ZHX3: variants seen among roughly 807,000 people sequenced by gnomAD.
The protein encoded by ZHX3 is zinc fingers and homeoboxes 3.
Under a neutral mutation model 64.5 loss-of-function variants are expected in ZHX3, and 20 were observed. The observed-to-expected ratio is 0.31, with a 90% CI of 0.22 to 0.45. ZHX3 has a LOEUF of 0.45. Among genes scored for constraint, ZHX3 ranks in the 20% least tolerant of loss-of-function variants. ZHX3 has a pLI of 1.00. For synonymous variants in ZHX3, 423 were observed against 461.6 expected (o/e 0.92, Z 1.07); for missense variants, 1,041 against 1,195.8 (o/e 0.87, Z 1.91).
chr20:41,229,360 G>A (rs2040458064), intron 2 of ZHX3, among the ~76,000 whole-genome samples: 1 of 152,062 alleles, frequency 6.6e-6, no homozygotes, highest in Non-Finnish European at 1.5e-5. Flanking sequence ...ATGTTGCTAT[G>A]AACATGGACA....
rs150368599 is a variant in ZHX3 at position 41,227,579 on chromosome 20, T to C, written c.-150-22513A>G. 7.0e-3 allele frequency among the ~76,000 whole-genome samples: 1,063 copies of C among 152,312 alleles called. 8 individuals are homozygous for C. Among genetic ancestry groups the C allele is most frequent in the Non-Finnish European group, 9.1e-3 (617 of 68,008 alleles). On this transcript the variant is annotated intron_variant, in intron 2 of 3. Coordinates refer to ENST00000683867, the MANE Select transcript of ZHX3 (RefSeq NM_001384317.1). ...CTTCCGCTGCAAGATAGTTAGCATATTTATTTCCTTTCCATGAGACTTCAG... is the reference window on the plus strand; with the variant it reads ...CTTCCGCTGCAAGATAGTTAGCATACTTATTTCCTTTCCATGAGACTTCAG...
At chr20:41,310,751 TCATACATCAATAGAATAATTATAAATCC>T (rs1450443902) in intron 1 of ZHX3, among the ~76,000 whole-genome samples, 1 of 151,196 alleles carries the variant, frequency 6.6e-6, no homozygotes, top group Non-Finnish European at 1.5e-5. Flanking sequence ...ACATACGTTG[TCATACATCAATAGAATAATTATAAATCC>T]CAACCCAGAT....
At chr20:41,215,595 G>C (rs2039462180) in intron 2 of ZHX3, among the ~76,000 whole-genome samples, 1 of 151,976 alleles carries the variant, frequency 6.6e-6, no homozygotes, top group Non-Finnish European at 1.5e-5. Context: ...CGTTATGATA[G>C]TCAGCCTGCA....
At chr20:41,225,995 G>A (rs1159734841) in intron 2 of ZHX3, among the ~76,000 whole-genome samples, 1 of 152,126 alleles carries the variant, frequency 6.6e-6, no homozygotes, top group Non-Finnish European at 1.5e-5. Context: ...TCATATAAAT[G>A]AAGTTATATT....
chr20:41,186,204 C>T (rs768604996), intron 3 of ZHX3, among the ~76,000 whole-genome samples: 4 of 152,150 alleles, frequency 2.6e-5, no homozygotes, highest in African/African-American at 7.2e-5. Flanking sequence ...TACCTTCTAT[C>T]GCTATGCCTT....
chr20:41,227,595 G>A (rs952113435), intron 2 of ZHX3, among the ~76,000 whole-genome samples: 9 of 152,260 alleles, frequency 5.9e-5, no homozygotes, highest in Middle Eastern at 3.4e-3. Flanking sequence ...TCCTTTCCAT[G>A]AGACTTCAGG....
At chr20:41,301,830 G>A (rs6029620) in intron 1 of ZHX3, among the ~76,000 whole-genome samples, 1,609 of 151,908 alleles carry the variant, frequency 0.011, 15 homozygotes, top group African/African-American at 0.028. Flanking sequence ...CGAGGCGGGC[G>A]GATCACGAGG....
chr20:41,252,553 T>G (rs1033812326), intron 2 of ZHX3, among the ~76,000 whole-genome samples: 1 of 152,182 alleles, frequency 6.6e-6, no homozygotes, highest in Non-Finnish European at 1.5e-5. Context: ...GCCAAGTAAG[T>G]CTAACTGTAA....
At chr20:41,287,984 A>T (rs2044022933) in intron 1 of ZHX3, among the ~76,000 whole-genome samples, 1 of 152,208 alleles carries the variant, frequency 6.6e-6, no homozygotes, top group African/African-American at 2.4e-5. Flanking sequence ...TGATATAACC[A>T]GCCCTTTAAA....
chr20:41,249,923 C>T (rs2041906376), intron 2 of ZHX3, among the ~76,000 whole-genome samples: 1 of 152,154 alleles, frequency 6.6e-6, no homozygotes, highest in Non-Finnish European at 1.5e-5. Flanking sequence ...TTCCCAACCC[C>T]CAACCTAGCA....
rs893709005 is a variant in ZHX3, at chr20:41,228,599, G to A, written c.-150-23533C>T. 2.0e-4 allele frequency among the ~76,000 whole-genome samples: 31 copies of A among 152,170 alleles called. No homozygotes were observed. Among genetic ancestry groups the A allele is most frequent in the African/African-American group, 6.3e-4 (26 of 41,428 alleles). On this transcript the variant is annotated intron_variant, in intron 2 of 3. Coordinates refer to ENST00000683867, the MANE Select transcript of ZHX3 (RefSeq NM_001384317.1). This position sits in a 1 kb window ranked among gnomAD's most constrained non-coding sequence, Gnocchi z 4.6. ...CACATGGCAGAAGGGACCAGGGAGT[G>A]TCTGGGGTCTCTTTTATAAGGCCAC...
rs966548197 is a variant in ZHX3 at position 41,205,033 on chromosome 20, G to C, written c.-117C>G. ...ACAGTTTCTAAATGCAGCTTTTTCA[G>C]TTGTTTGCAGAAAGCAGGTTTTCCC... On this transcript the variant is annotated 5_prime_UTR_variant, in exon 3 of 4. Coordinates refer to ENST00000683867, the MANE Select transcript of ZHX3 (RefSeq NM_001384317.1). 56 of 1,369,330 alleles carry C rather than the reference G, an allele frequency of 4.1e-5. No individual in the cohort carries two copies. Among genetic ancestry groups the C allele is most frequent in the Non-Finnish European group, 5.1e-5 (54 of 1,061,436 alleles). The allele number at this position is 1,369,330 out of a possible 1,614,324, so 84.8% of individuals were successfully genotyped here. A position where few individuals can be genotyped will look rare whatever the true frequency, so the allele number is the denominator to read the frequency against.
rs543807236 is a variant in ZHX3 at position 41,182,079 on chromosome 20, G to A, written c.*3112C>T. 51 of 152,218 alleles carry A rather than the reference G, an allele frequency of 3.4e-4. No individual in the cohort carries two copies. The highest frequency in any genetic ancestry group is 1.1e-3 in the African/African-American group (46 of 41,538). 9.4% of individuals were successfully genotyped at this position (152,218 alleles called of 1,614,324 possible). On this transcript the variant is annotated 3_prime_UTR_variant, in exon 4 of 4. Coordinates refer to ENST00000683867, the MANE Select transcript of ZHX3 (RefSeq NM_001384317.1). This position sits in a 1 kb window ranked among gnomAD's most constrained non-coding sequence, Gnocchi z 6.1. ...AAAAAGCTCCTTTATAGTCAAAAAC[G>A]AAAACAAGTAATCAAAATATACAAA...
chr20:41,196,515 T>A (rs56994194), intron 3 of ZHX3: 121 of 10,298 alleles, frequency 0.012, no homozygotes, highest in African/African-American at 0.032. Context: ...TAAATATATA[T>A]TATATATTAT....
intron 1 of ZHX3, among the ~76,000 whole-genome samples, chr20:41,270,157 C>T (rs2043060000): frequency 6.6e-6 from 1 of 151,116 alleles, no homozygotes; most frequent in Non-Finnish European, 1.5e-5. Context: ...TTTGGGAGGC[C>T]GAGACGGGCG....
chr20:41,191,676 G>A (rs1568787679), intron 3 of ZHX3, among the ~76,000 whole-genome samples: 1 of 152,132 alleles, frequency 6.6e-6, no homozygotes, highest in Non-Finnish European at 1.5e-5. Context: ...TTTCCTAGAC[G>A]TATCTATGGT....
chr20:41,190,573 A>G (rs2036932133), intron 3 of ZHX3, among the ~76,000 whole-genome samples: 1 of 152,064 alleles, frequency 6.6e-6, no homozygotes, highest in Non-Finnish European at 1.5e-5. Flanking sequence ...GTACTCTGGT[A>G]GTTTTCTGTA....
At chr20:41,295,065 C>G (rs1196036733) in intron 1 of ZHX3, among the ~76,000 whole-genome samples, 3 of 152,152 alleles carry the variant, frequency 2.0e-5, no homozygotes, top group Non-Finnish European at 1.5e-5. Context: ...CTTCTCTCAG[C>G]TATCCCTCAA....
At chr20:41,227,409 TAAAAC>T (rs1568856557) in intron 2 of ZHX3, among the ~76,000 whole-genome samples, 50 of 152,308 alleles carry the variant, frequency 3.3e-4, no homozygotes, top group African/African-American at 1.2e-3. Flanking sequence ...GTGCAAAATA[TAAAAC>T]TCCAACAACT....
Sources: gnomAD v4.1 joint callset for allele counts (sites outside exome capture counted in the v4.1 genomes callset) on GRCh38, gnomAD v4.1.1 for gene constraint, Gnocchi (gnomAD v3.1) non-coding constraint, MANE v1.5 for transcripts, NCBI Gene and HGNC (gene_info 2026-07-23, HGNC 2026-07-21) for gene names.